The following PCDHA10 variants were observed in gnomAD, a reference collection of about 807,000 sequenced individuals.
The protein encoded by PCDHA10 is protocadherin alpha 10, also known as protocadherin alpha-10.
PCDHA10 carries 45 observed loss-of-function variants against 61.2 expected under a neutral mutation model. The ratio of observed to expected loss-of-function variants is 0.74; its 90% CI spans 0.58 to 0.94. The LOEUF (loss-of-function observed/expected upper bound fraction) is 0.94. Among genes scored for constraint, PCDHA10 ranks in the 40% least tolerant of loss-of-function variants. The pLI is 0.00. For synonymous variants in PCDHA10, 602 were observed against 548.8 expected, an observed-to-expected ratio of 1.10 and a Z score of -1.35; for missense variants, 1,278 against 1,236.2, an observed-to-expected ratio of 1.03 and a Z score of -0.51.
Position 140,883,309 on chromosome 5 carries a change from C to T in PCDHA10, c.2388+24873C>T, listed in dbSNP as rs782264263. The T allele has an allele frequency of 4.3e-6, 7 of 1,613,930 alleles. No individual in the cohort carries two copies. In the Admixed American group the frequency reaches 1.2e-4, roughly 27 times the overall value. ...AAGTACTAGATGTAAATGATAACGCCCCAGAGGTTACCATCACTTCTTTGT... is the reference window on the plus strand; with the variant it reads ...AAGTACTAGATGTAAATGATAACGCTCCAGAGGTTACCATCACTTCTTTGT... On this transcript the variant is annotated intron_variant, in intron 1 of 3. Transcript: ENST00000307360.
Position 140,928,819 on chromosome 5 carries a change from G to A in PCDHA10, c.2389-50130G>A, listed in dbSNP as rs1464149149. On this transcript the variant is annotated intron_variant, in intron 1 of 3. Coordinates refer to ENST00000307360, the MANE Select transcript of PCDHA10 (RefSeq NM_018901.4). ...GGTGGTAGTGGTTCGGGACCATGGAGACCCACCACTTTCCTCCTCTGTCAC... is the reference window on the plus strand; with the variant it reads ...GGTGGTAGTGGTTCGGGACCATGGAAACCCACCACTTTCCTCCTCTGTCAC... 8 of 1,614,024 alleles carry A rather than the reference G, an allele frequency of 5.0e-6. No homozygotes were observed. In the Admixed American group the frequency reaches 1.0e-4, roughly 20 times the overall value.
At chr5:140,876,815 T>A in intron 1 of PCDHA10, 2 of 1,614,148 alleles carry the variant, frequency 1.2e-6, no homozygotes, top group Non-Finnish European at 1.7e-6. Flanking sequence ...GTGGCCGACG[T>A]GAACGACAAT....
chr5:141,005,819 G>A, intron 3 of PCDHA10, among the ~76,000 whole-genome samples: 1 of 151,636 alleles, frequency 6.6e-6, no homozygotes, highest in South Asian at 2.1e-4. Context: ...CAGGTATGGT[G>A]GCCTGTAGTC....
At chr5:140,996,200 A>G (rs1338736394) in intron 3 of PCDHA10, among the ~76,000 whole-genome samples, 1 of 152,236 alleles carries the variant, frequency 6.6e-6, no homozygotes, top group South Asian at 2.1e-4. Flanking sequence ...CCCTCAATGC[A>G]AGGATATCAC....
rs371820170 is a variant in PCDHA10, at chr5:140,871,346, C to T, written c.2388+12910C>T. 1.1e-5 allele frequency: 17 copies of T among 1,614,104 alleles called. No homozygotes were observed. Among genetic ancestry groups the T allele is most frequent in the African/African-American group, 4.0e-5 (3 of 74,954 alleles). ...TGCTCCCGCGCGGTGGGGAGCTGGT[C>T]ATACTCGCAGCAGAGGCGGCAGAGG... is the stretch of plus-strand genomic sequence containing the variant. On this transcript the variant is annotated intron_variant, in intron 1 of 3. Transcript: ENST00000307360.
chr5:140,901,146 C>A (rs1463079898), intron 1 of PCDHA10, among the ~76,000 whole-genome samples: 1 of 152,180 alleles, frequency 6.6e-6, no homozygotes, highest in African/African-American at 2.4e-5. Flanking sequence ...AATATTTTCT[C>A]TCAATCTGTG....
chr5:140,878,658 G>T (rs139171755), intron 1 of PCDHA10, among the ~76,000 whole-genome samples: 120 of 152,200 alleles, frequency 7.9e-4, no homozygotes, highest in African/African-American at 2.7e-3. Flanking sequence ...ATATCCAGAG[G>T]CTTCTCTTTA....
intron 3 of PCDHA10, among the ~76,000 whole-genome samples, chr5:141,006,649 G>A (rs1377970510): frequency 2.6e-5 from 4 of 152,176 alleles, no homozygotes; most frequent in Admixed American, 2.0e-4. Context: ...AGAGATGATG[G>A]TGTCCTGAAA....
chr5:140,885,485 T>C (rs2060611651), intron 1 of PCDHA10, among the ~76,000 whole-genome samples: 1 of 152,188 alleles, frequency 6.6e-6, no homozygotes, highest in Non-Finnish European at 1.5e-5. Context: ...GTGTCAAGTG[T>C]TCTGTTATCT....
chr5:140,960,849 A>G (rs1347970743), intron 1 of PCDHA10, among the ~76,000 whole-genome samples: 10 of 152,220 alleles, frequency 6.6e-5, no homozygotes, highest in African/African-American at 2.2e-4. Context: ...TTTAATGGCA[A>G]CTATAAGCCA....
intron 3 of PCDHA10, among the ~76,000 whole-genome samples, chr5:141,007,135 C>G (rs1183279253): frequency 2.6e-5 from 4 of 152,074 alleles, no homozygotes; most frequent in Non-Finnish European, 5.9e-5. Context: ...GATGAGGAGA[C>G]TGACAAAGGA....
At chr5:140,871,707 G>A (rs2053270634) in intron 1 of PCDHA10, 9 of 843,502 alleles carry the variant, frequency 1.1e-5, no homozygotes, top group Non-Finnish European at 1.6e-5. Flanking sequence ...ACCAATAAAT[G>A]TCCTATTTCT....
chr5:140,871,269 G>T, intron 1 of PCDHA10: 3 of 1,613,952 alleles, frequency 1.9e-6, no homozygotes, highest in Non-Finnish European at 2.5e-6. Context: ...CGCTGTGGTG[G>T]TCGGCAACGC....
intron 1 of PCDHA10, among the ~76,000 whole-genome samples, chr5:140,905,814 G>A (rs1303983123): frequency 6.6e-6 from 1 of 152,090 alleles, no homozygotes; most frequent in South Asian, 2.1e-4. Flanking sequence ...GAATTAATAG[G>A]CTAGATGTGT....
In PCDHA10 at chr5:140,992,699, T is replaced by A. The variant is rs149489820; in HGVS notation, c.2536+10136T>A. Among the ~76,000 whole-genome samples the A allele has an allele frequency of 7.6e-3, 1,153 of 152,282 alleles. 6 individuals carry two copies. The highest frequency in any genetic ancestry group is 0.014 in the Middle Eastern group (4 of 294). On this transcript the variant is annotated intron_variant, in intron 3 of 3. Transcript: ENST00000307360. ...GTGTTAGGGGTTGAGGGGTGGGTAA[T>A]GTTCCTGCCAGTATTCGTAAATCCC...
rs1237282908 is a variant in PCDHA10, at chr5:140,877,400, C to T, written c.2388+18964C>T. ...CGCATCCTGGATGAGGCGGACGCTC[C>T]GCGCCACCGCCTGCTGGTGCTGGTG... On this transcript the variant is annotated intron_variant, in intron 1 of 3. Coordinates refer to ENST00000307360, the MANE Select transcript of PCDHA10 (RefSeq NM_018901.4). The T allele has an allele frequency of 7.4e-6, 12 of 1,613,804 alleles. No homozygotes were observed. The Admixed American group carries it at 1.8e-4, about 25-fold the overall frequency.
intron 1 of PCDHA10, chr5:140,929,538 A>C: frequency 3.3e-6 from 2 of 603,382 alleles, no homozygotes; most frequent in Non-Finnish European, 5.1e-6. Context: ...TTGAGAAACA[A>C]GGGCAAAAAT....
intron 3 of PCDHA10, among the ~76,000 whole-genome samples, chr5:140,996,992 T>A (rs565740982): frequency 3.9e-5 from 6 of 152,324 alleles, no homozygotes; most frequent in African/African-American, 1.4e-4. Flanking sequence ...CAACCACTGT[T>A]AACAATTTTG....
At chr5:140,983,104 T>C (rs907787884) in intron 3 of PCDHA10, among the ~76,000 whole-genome samples, 3 of 152,234 alleles carry the variant, frequency 2.0e-5, no homozygotes, top group Admixed American at 1.3e-4. Flanking sequence ...TGCTTCTCTC[T>C]GCACATCAAC....
Sources: gnomAD v4.1 joint callset for allele counts (sites outside exome capture counted in the v4.1 genomes callset) on GRCh38, gnomAD v4.1.1 for gene constraint, MANE v1.5 for transcripts, NCBI Gene and HGNC (gene_info 2026-07-23, HGNC 2026-07-21) for gene names.